PUM3: variants seen among roughly 807,000 people sequenced by gnomAD.
PUM3 encodes pumilio homolog 3.
Under a neutral mutation model 84.0 loss-of-function variants are expected in PUM3, and 91 were observed. The observed-to-expected ratio is 1.08, with a 90% CI of 0.91 to 1.29. The LOEUF is 1.29. PUM3 is among the 50% of genes most tolerant of loss of function. PUM3 has a pLI of 0.00. For synonymous variants in PUM3, 321 were observed against 266.7 expected (o/e 1.20, Z -1.98); for missense variants, 1,067 against 767.5 (o/e 1.39, Z -4.61).
chr9:2,831,145 G>A, intron 6 of PUM3, 106 bp downstream of exon 6: 2 of 994,948 alleles, frequency 2.0e-6, no homozygotes, highest in Non-Finnish European at 3.1e-6. Context: ...ATCTGGAGAA[G>A]ACAAACCTAA....
intron 14 of PUM3, among the ~76,000 whole-genome samples, 183 bp from the exon 15 acceptor site, chr9:2,811,766 T>G (rs886358979): frequency 2.0e-5 from 3 of 151,812 alleles, no homozygotes; most frequent in Admixed American, 1.3e-4. Context: ...TTTAAAAATG[T>G]TTGTGTCCCA....
chr9:2,810,825 T>C (rs1034276375), intron 15 of PUM3, among the ~76,000 whole-genome samples: 2 of 152,180 alleles, frequency 1.3e-5, no homozygotes, highest in Non-Finnish European at 2.9e-5. Context: ...CAATGCTGCA[T>C]GCTGTTTAAG....
chr9:2,817,345 T>C lies in PUM3; in HGVS notation c.1269+2673A>G, dbSNP rs141066261. ...AGCCTATAGCCTGTTTTTGTCCATC[T>C]TGCAAGCTAATAATGGTTTTTACAT... On this transcript the variant is annotated intron_variant, in intron 13 of 17. Coordinates refer to ENST00000397885, the MANE Select transcript of PUM3 (RefSeq NM_014878.5). Among the ~76,000 whole-genome samples the C allele has an allele frequency of 3.4e-3, 514 of 152,298 alleles. 2 individuals carry two copies. The highest frequency in any genetic ancestry group is 0.014 in the Middle Eastern group (4 of 294).
chr9:2,809,450 G>C (rs1821321777), intron 16 of PUM3, among the ~76,000 whole-genome samples: 1 of 151,878 alleles, frequency 6.6e-6, no homozygotes, highest in Non-Finnish European at 1.5e-5. Flanking sequence ...TTATCACAAG[G>C]CTTCTCTTTT....
At chr9:2,808,028 C>G (rs1473174466) in intron 16 of PUM3, 124 bp from the exon 17 acceptor site, 1 of 627,750 alleles carries the variant, frequency 1.6e-6, no homozygotes, top group Non-Finnish European at 2.7e-6. Flanking sequence ...GTAGCTTTCA[C>G]CCAATCTCCC....
rs193088045 is a variant in PUM3, at chr9:2,820,019, G to A, written c.1268C>T (p.Ser423Leu). 27 of 1,597,748 alleles carry A rather than the reference G, an allele frequency of 1.7e-5. No homozygotes were observed. Among genetic ancestry groups the A allele is most frequent in the Non-Finnish European group, 2.0e-5 (23 of 1,166,008 alleles). Reference sequence around the variant, plus strand: ...TTCAAGACCATCAGGATTACTTACTGATATGATTATCTGCTTCACAAGCTT... The same window carrying A: ...TTCAAGACCATCAGGATTACTTACTAATATGATTATCTGCTTCACAAGCTT... ...DTKLVKQIII[S>L]EIISSLPSIV... Residue 423 changes from serine to leucine, a missense_variant and splice_region_variant, in exon 13 of 18, where the codon TCA becomes TTA. Ser to Leu is a moderately radical substitution (Grantham distance 145, BLOSUM62 -2). Coordinates refer to ENST00000397885, the MANE Select transcript of PUM3 (RefSeq NM_014878.5).
chr9:2,810,995 A>G (rs1246719043), intron 15 of PUM3, among the ~76,000 whole-genome samples: 3 of 152,190 alleles, frequency 2.0e-5, no homozygotes, highest in Non-Finnish European at 4.4e-5. Flanking sequence ...CCTTATAGAG[A>G]AACTTTCAAG....
chr9:2,826,220 A>C (rs933995844), intron 10 of PUM3, among the ~76,000 whole-genome samples: 2 of 152,058 alleles, frequency 1.3e-5, no homozygotes, highest in African/African-American at 4.8e-5. Flanking sequence ...AACATTCAAC[A>C]CTAAAAAGAT....
chr9:2,820,987 G>C (rs1821577049), intron 12 of PUM3, among the ~76,000 whole-genome samples: 1 of 152,130 alleles, frequency 6.6e-6, no homozygotes, highest in Non-Finnish European at 1.5e-5. Flanking sequence ...ATAGGAATTT[G>C]ATTTTTGATA....
Position 2,838,512 on chromosome 9 carries a change from G to C in PUM3, c.-5C>G. ...CTTTTTCCCTTTAACTTCCATCGTA[G>C]CAACTCTGGAAAACCAAAACCAAAA... On this transcript the variant is annotated 5_prime_UTR_variant, in exon 2 of 18. Transcript: ENST00000397885. The C allele has an allele frequency of 6.2e-7, 1 of 1,611,552 alleles. No individual in the cohort carries two copies. Among genetic ancestry groups the C allele is most frequent in the African/African-American group, 1.3e-5 (1 of 74,908 alleles).
At position 2,837,224 on chromosome 9, in the gene PUM3, T is replaced by G; in HGVS notation, c.260A>C (p.Lys87Thr). 1 of 1,614,020 alleles carries G rather than the reference T, an allele frequency of 6.2e-7. No homozygotes were observed. The highest frequency in any genetic ancestry group is 8.5e-7 in the Non-Finnish European group (1 of 1,179,876). Residue 87 changes from lysine (K) to threonine (T), a missense_variant, in exon 3 of 18, where the codon AAA becomes ACA. Coordinates refer to ENST00000397885, the MANE Select transcript of PUM3 (RefSeq NM_014878.5). ...CTGGAATTTTCTCTTCTTGTTGAAT[T>G]TATTTGCCGGCTGGAATTTGTTCTT... is the stretch of plus-strand genomic sequence containing the variant. ...SPKNKFQPANKFNKKRKFQPD... is the reference protein window; with the variant it reads ...SPKNKFQPANTFNKKRKFQPD...
At chr9:2,819,980 C>G (rs375031581) in intron 13 of PUM3, 38 bp downstream of exon 13, 2 of 1,343,912 alleles carry the variant, frequency 1.5e-6, no homozygotes, top group African/African-American at 1.4e-5. Flanking sequence ...ACTGGTTTAT[C>G]GATGTAACTT....
At chr9:2,810,292 A>C in intron 16 of PUM3, 52 bp downstream of exon 16, 1 of 1,189,740 alleles carries the variant, frequency 8.4e-7, no homozygotes, top group Non-Finnish European at 1.3e-6. Context: ...GATGCCAGGA[A>C]TTACTGGAAT....
chr9:2,824,617 C>A (rs1237264736), intron 11 of PUM3, 100 bp downstream of exon 11: 2 of 697,134 alleles, frequency 2.9e-6, no homozygotes, highest in Non-Finnish European at 4.1e-6. Context: ...AGGGCAAAGA[C>A]CAAAGGGGGT....
At chr9:2,842,444 C>T (rs1318602960) in intron 1 of PUM3, among the ~76,000 whole-genome samples, 2 of 152,344 alleles carry the variant, frequency 1.3e-5, no homozygotes, top group African/African-American at 4.8e-5. Context: ...TCACCCCACT[C>T]ATCACCACCA....
chr9:2,837,947 T>A (rs917032324), intron 2 of PUM3, among the ~76,000 whole-genome samples: 7 of 152,166 alleles, frequency 4.6e-5, no homozygotes, highest in Admixed American at 6.5e-5. Flanking sequence ...GCTTACAAAT[T>A]AGTACCTAAC....
chr9:2,807,207 C>CA (rs537765848), intron 17 of PUM3, among the ~76,000 whole-genome samples: 253 of 140,630 alleles, frequency 1.8e-3, no homozygotes, highest in African/African-American at 4.3e-3. Flanking sequence ...GACTCCATCT[C>CA]AAAAAAAAAA....
At chr9:2,805,127 G>A (rs1464652152) in intron 17 of PUM3, among the ~76,000 whole-genome samples, 1 of 152,198 alleles carries the variant, frequency 6.6e-6, no homozygotes, top group Non-Finnish European at 1.5e-5. Context: ...ATTCACAACA[G>A]AGTCCACCTT....
Position 2,811,586 on chromosome 9 carries a change from G to A in PUM3, c.1413-3C>T, listed in dbSNP as rs1821375852. 3 of 1,606,610 alleles carry A rather than the reference G, an allele frequency of 1.9e-6. No homozygotes were observed. The highest frequency in any genetic ancestry group is 2.6e-6 in the Non-Finnish European group (3 of 1,173,630). ...TGCGGACCTCTGTATCTTTCTTACTGTTGAGTATGTTGAACGGGGTATTAA... is the reference window on the plus strand; with the variant it reads ...TGCGGACCTCTGTATCTTTCTTACTATTGAGTATGTTGAACGGGGTATTAA... On this transcript the variant is annotated splice_region_variant and splice_polypyrimidine_tract_variant and intron_variant, in intron 14 of 17. Coordinates refer to ENST00000397885, the MANE Select transcript of PUM3 (RefSeq NM_014878.5).
Sources: allele counts gnomAD v4.1 joint callset (sites outside exome capture counted in the v4.1 genomes callset), GRCh38; gene constraint gnomAD v4.1.1; transcripts MANE v1.5; gene names NCBI Gene and HGNC (gene_info 2026-07-23, HGNC 2026-07-21).